The following CCDC141 variants were observed in gnomAD, a reference collection of about 807,000 sequenced individuals.
CCDC141 encodes the protein coiled-coil domain-containing protein 141.
CCDC141 carries 168 observed loss-of-function variants against 181.0 expected under a neutral mutation model. The observed-to-expected ratio is 0.93, with a 90% CI of 0.82 to 1.05. The LOEUF (loss-of-function observed/expected upper bound fraction) is 1.05. CCDC141 is among the 50% of genes least tolerant of loss of function. The probability of loss-of-function intolerance (pLI) is 0.00; values close to 1 mark genes in which losing one functional copy is unlikely to be tolerated. For synonymous variants in CCDC141, 666 were observed against 642.3 expected, an observed-to-expected ratio of 1.04 and a Z score of -0.56; for missense variants, 1,902 against 1,788.5, an observed-to-expected ratio of 1.06 and a Z score of -1.14.
chr2:178,816,513 GT>G, the CCDC141 span, among the ~76,000 whole-genome samples: 1 of 152,146 alleles, frequency 6.6e-6, no homozygotes, highest in Non-Finnish European at 1.5e-5. Flanking sequence ...CTGCATGCAG[GT>G]TTTGTGTGGA....
intron 22 of CCDC141, 65 bp downstream of exon 22, chr2:178,845,561 A>G (rs142587823): frequency 1.1e-3 from 969 of 859,320 alleles, no homozygotes; most frequent in Non-Finnish European, 1.7e-3. Flanking sequence ...TTATTTTGCA[A>G]TGGACAATGA....
At chr2:178,978,096 C>A (rs763662044) in intron 3 of CCDC141, among the ~76,000 whole-genome samples, 1 of 152,254 alleles carries the variant, frequency 6.6e-6, no homozygotes, top group African/African-American at 2.4e-5. Flanking sequence ...AAATTTTATT[C>A]TCCAACTTTT....
intron 7 of CCDC141, among the ~76,000 whole-genome samples, chr2:178,908,978 G>T (rs1290884772): frequency 6.6e-6 from 1 of 152,160 alleles, no homozygotes; most frequent in African/African-American, 2.4e-5. Context: ...ACTGAGAAGA[G>T]CATGGCCACC....
chr2:178,923,000 G>C (rs956532625), intron 6 of CCDC141, among the ~76,000 whole-genome samples: 10 of 152,030 alleles, frequency 6.6e-5, no homozygotes, highest in Non-Finnish European at 1.0e-4. Flanking sequence ...GTTTTCTTTG[G>C]GCAATCTATA....
chr2:178,851,268 T>C (rs1409640033), intron 20 of CCDC141, among the ~76,000 whole-genome samples: 1 of 151,110 alleles, frequency 6.6e-6, no homozygotes, highest in Non-Finnish European at 1.5e-5. Flanking sequence ...GGAACAAGGA[T>C]TTGAACCCAG....
intron 5 of CCDC141, among the ~76,000 whole-genome samples, chr2:178,951,499 A>T (rs1689950855): frequency 6.6e-6 from 1 of 152,240 alleles, no homozygotes; most frequent in Non-Finnish European, 1.5e-5. Flanking sequence ...ATTTTAAAAG[A>T]TGTCTTAATC....
chr2:178,974,594 A>AT (rs1302361477), intron 4 of CCDC141, among the ~76,000 whole-genome samples: 4 of 152,098 alleles, frequency 2.6e-5, no homozygotes, highest in African/African-American at 2.4e-5. Context: ...TCACTGTTCC[A>AT]TTTTTTTAAC....
intron 2 of CCDC141, among the ~76,000 whole-genome samples, chr2:179,046,351 A>G (rs1279341043): frequency 6.6e-6 from 1 of 152,228 alleles, no homozygotes; most frequent in Non-Finnish European, 1.5e-5. Flanking sequence ...ATTAAGTCCA[A>G]TGGGACAACA....
intron 10 of CCDC141, among the ~76,000 whole-genome samples, chr2:178,886,475 T>C (rs1686891578): frequency 6.6e-6 from 1 of 152,108 alleles, no homozygotes; most frequent in South Asian, 2.1e-4. Flanking sequence ...AAAATGAGGC[T>C]TTTTTTGAGA....
At chr2:178,854,722 TA>T in intron 19 of CCDC141, among the ~76,000 whole-genome samples, 1 of 152,314 alleles carries the variant, frequency 6.6e-6, no homozygotes, top group Admixed American at 6.5e-5. Context: ...GTGTTAAATC[TA>T]AAAACTCAGC....
chr2:178,871,363 A>G (rs533880231), intron 14 of CCDC141, 64 bp downstream of exon 14: 51 of 1,544,364 alleles, frequency 3.3e-5, no homozygotes, highest in Non-Finnish European at 4.1e-5. Context: ...AATCAGGTAA[A>G]CTGCAACCAA....
chr2:178,940,967 G>A (rs1322067818), intron 6 of CCDC141, among the ~76,000 whole-genome samples: 1 of 152,100 alleles, frequency 6.6e-6, no homozygotes, highest in Non-Finnish European at 1.5e-5. Context: ...GGTCATCTAG[G>A]CCTACCTCTC....
At chr2:179,005,321 A>AC (rs2042092716) in intron 2 of CCDC141, among the ~76,000 whole-genome samples, 1 of 151,852 alleles carries the variant, frequency 6.6e-6, no homozygotes, top group African/African-American at 2.4e-5. Context: ...ATTTAAAAAA[A>AC]AAGGTTTAGA....
At position 178,850,148 on chromosome 2, in the gene CCDC141, T is replaced by A. The variant is rs775296956; in HGVS notation, c.3258A>T (p.Gly1086=). The part of the protein sequence containing the change: ...LAQHLYGLEE[G]QKYIEKIVTK... ...TCACTATTTTCTCAATATATTTCTG[T>A]CCTTCTTCCAAACCTGGGGAGGAGA... The change falls in exon 21 of 24, where the codon GGA becomes GGT. Residue 1086 remains glycine (G), a synonymous_variant. Transcript: ENST00000443758. 40 of 1,596,870 alleles carry A rather than the reference T, an allele frequency of 2.5e-5. No individual in the cohort carries two copies. The highest frequency in any genetic ancestry group is 3.3e-5 in the Non-Finnish European group (38 of 1,167,726).
rs541284000 is a variant in CCDC141 at position 178,975,947 on chromosome 2, A to G, written c.418-782T>C. Among the ~76,000 whole-genome samples the G allele has an allele frequency of 9.3e-4, 141 of 152,320 alleles. 4 individuals are homozygous for G. The South Asian group carries it at 0.02, about 21-fold the overall frequency. ...AGATGGAGCAAGAATGACAAGTGAG[A>G]AATTTATTCCCTGTTTCAAGGAAAA... is the stretch of plus-strand genomic sequence containing the variant. On this transcript the variant is annotated intron_variant, in intron 3 of 23. Coordinates refer to ENST00000443758, the MANE Select transcript of CCDC141 (RefSeq NM_173648.4).
chr2:178,987,852 C>T (rs1691829887), intron 2 of CCDC141, among the ~76,000 whole-genome samples: 1 of 150,264 alleles, frequency 6.7e-6, no homozygotes, highest in Non-Finnish European at 1.5e-5. Flanking sequence ...GAAATAGGAA[C>T]ACTTTTACAC....
intron 2 of CCDC141, among the ~76,000 whole-genome samples, chr2:179,020,396 G>C (rs2042663135): frequency 6.6e-6 from 1 of 152,038 alleles, no homozygotes; most frequent in South Asian, 2.1e-4. Flanking sequence ...GCTGGAACTG[G>C]GCCAGTCTTA....
At chr2:178,981,389 C>G (rs190895572) in intron 2 of CCDC141, among the ~76,000 whole-genome samples, 1 of 119,624 alleles carries the variant, frequency 8.4e-6, no homozygotes, top group African/African-American at 3.0e-5. Flanking sequence ...AGAAATCATA[C>G]GAATATACTC....
rs183526282 is a variant in CCDC141 at position 178,865,803 on chromosome 2, A to C, written c.2688T>G (p.Ser896Arg). 18 of 1,596,324 alleles carry C rather than the reference A, an allele frequency of 1.1e-5. No homozygotes were observed. In the Admixed American group the frequency reaches 3.2e-4, roughly 28 times the overall value. ...CGTCTCTCATGGCGCAGTACTCCAC[A>C]CTACGGGACAGGGTCCGTCCATACT... ...AEEYGRTLSR[S>R]VEYCAMRDEI... Residue 896 changes from serine (S) to arginine (R), a missense_variant, in exon 17 of 24, where the codon AGT (serine) becomes AGG (arginine). Coordinates refer to ENST00000443758, the MANE Select transcript of CCDC141 (RefSeq NM_173648.4).
Sources: gnomAD v4.1 joint callset for allele counts (sites outside exome capture counted in the v4.1 genomes callset) on GRCh38, gnomAD v4.1.1 for gene constraint, MANE v1.5 for transcripts, NCBI Gene and HGNC (gene_info 2026-07-23, HGNC 2026-07-21) for gene names.